The following YIPF6 variants were observed in gnomAD, a reference collection of about 807,000 sequenced individuals.
The protein encoded by YIPF6 is protein YIPF6.
A neutral mutation model predicts 16.8 loss-of-function variants in YIPF6; 3 were observed. That is an observed-to-expected ratio of 0.18 (90% CI 0.08 to 0.46). YIPF6 has a LOEUF of 0.46. Among genes scored for constraint, YIPF6 ranks in the 20% least tolerant of loss-of-function variants. The pLI is 0.98. For missense variants in YIPF6, 145 were observed against 184.9 expected, an observed-to-expected ratio of 0.78 and a Z score of 1.25; for synonymous variants, 67 against 61.9, an observed-to-expected ratio of 1.08 and a Z score of -0.38.
At chrX:68,514,795 T>A (rs2079095005) in intron 3 of YIPF6, 1 of 112,812 alleles carries the variant, frequency 8.9e-6, no homozygotes, top group Non-Finnish European at 1.9e-5. Context: ...TTCAAGCCTA[T>A]CATTTAGTCT....
At chrX:68,509,454 C>T (rs1274744018) in intron 1 of YIPF6, among the ~76,000 whole-genome samples, 1 of 111,587 alleles carries the variant, frequency 9.0e-6, no homozygotes. Context: ...CTGTACTCAG[C>T]TTCTGTCTTT....
chrX:68,501,625 A>T (rs2079041384), intron 1 of YIPF6, among the ~76,000 whole-genome samples: 1 of 112,005 alleles, frequency 8.9e-6, no homozygotes, highest in African/African-American at 3.2e-5. Flanking sequence ...ATATAAGTGG[A>T]TATATCCATT....
chrX:68,527,197 C>G (rs972345432), intron 6 of YIPF6, among the ~76,000 whole-genome samples: 4 of 111,456 alleles, frequency 3.6e-5, no homozygotes, highest in African/African-American at 9.8e-5. Context: ...CTGGTTTAGT[C>G]TTGGGAGGGA....
chrX:68,531,013 C>T (rs1254634550), intron 6 of YIPF6, among the ~76,000 whole-genome samples: 2 of 111,237 alleles, frequency 1.8e-5, no homozygotes, highest in African/African-American at 6.5e-5. Flanking sequence ...CATATTGCAG[C>T]CTTGAACTCT....
intron 3 of YIPF6, 62 bp downstream of exon 3, chrX:68,513,467 C>T: frequency 1.3e-6 from 1 of 759,891 alleles, no homozygotes; most frequent in Non-Finnish European, 1.8e-6. Flanking sequence ...ATCGTAAGTA[C>T]TTTATAAGGC....
At chrX:68,527,312 T>C (rs1421302855) in intron 6 of YIPF6, among the ~76,000 whole-genome samples, 1 of 112,004 alleles carries the variant, frequency 8.9e-6, no homozygotes, top group Non-Finnish European at 1.9e-5. Context: ...GTGGGATCAG[T>C]GTTGATCTTC....
At chrX:68,502,695 G>A (rs1338771595) in intron 1 of YIPF6, among the ~76,000 whole-genome samples, 3 of 111,491 alleles carry the variant, frequency 2.7e-5, no homozygotes, top group East Asian at 2.8e-4. Flanking sequence ...ACTTCAGGGC[G>A]CAGAAGAGGT....
chrX:68,512,366 C>T (rs935619239), intron 2 of YIPF6, among the ~76,000 whole-genome samples: 2 of 109,640 alleles, frequency 1.8e-5, no homozygotes, highest in African/African-American at 3.3e-5. Context: ...GAGACTGAAT[C>T]GCTTGTCTCC....
At chrX:68,522,969 A>T in intron 6 of YIPF6, 52 bp downstream of exon 6, 5 of 1,183,502 alleles carry the variant, frequency 4.2e-6, no homozygotes, top group Non-Finnish European at 5.7e-6. Context: ...ACATGATTTA[A>T]TGATGAAGAC....
At chrX:68,508,462 T>A (rs1279265854) in intron 1 of YIPF6, among the ~76,000 whole-genome samples, 1 of 111,736 alleles carries the variant, frequency 8.9e-6, no homozygotes, top group East Asian at 2.8e-4. Flanking sequence ...ATTTACATAA[T>A]AAGACCATTT....
In YIPF6 at chrX:68,536,566, C is replaced by T. The variant is rs1056097388; in HGVS notation, c.*4567C>T. 2 of 108,921 alleles carry T rather than the reference C, an allele frequency of 1.8e-5. No homozygotes were observed. Among genetic ancestry groups the T allele is most frequent in the African/African-American group, 6.7e-5 (2 of 29,798 alleles). The allele number at this position is 108,921 out of a possible 1,213,427, so 9.0% of individuals were successfully genotyped here. A position where few individuals can be genotyped will look rare whatever the true frequency, so the allele number is the denominator to read the frequency against. On this transcript the variant is annotated 3_prime_UTR_variant, in exon 7 of 7. Transcript: ENST00000462683. ...CTAGGTACAAATATAGGTATTTTCC[C>T]TATTGTGTTATGTACCTGAAATGAA...
At position 68,534,807 on chromosome X, in the gene YIPF6, G is replaced by C. The variant is rs1043157056; in HGVS notation, c.*2808G>C. ...TTATAGAAGTGAAGACGGCAAGGAC[G>C]GGGACTCCAACAAAGGAAACCCTGT... On this transcript the variant is annotated 3_prime_UTR_variant, in exon 7 of 7. Coordinates refer to ENST00000462683, the MANE Select transcript of YIPF6 (RefSeq NM_173834.4). The C allele has an allele frequency of 8.9e-6, 1 of 112,052 alleles. No homozygotes were observed. Among genetic ancestry groups the C allele is most frequent in the Non-Finnish European group, 1.9e-5 (1 of 53,274 alleles). 9.2% of individuals were successfully genotyped at this position (112,052 alleles called of 1,213,427 possible). A position where few individuals can be genotyped will look rare whatever the true frequency, so the allele number is the denominator to read the frequency against.
chrX:68,529,034 G>T (rs1466368935), intron 6 of YIPF6, among the ~76,000 whole-genome samples: 1 of 111,192 alleles, frequency 9.0e-6, no homozygotes, highest in Admixed American at 9.6e-5. Context: ...GCCTTCCTAG[G>T]TTGGGGAAGT....
intron 6 of YIPF6, among the ~76,000 whole-genome samples, chrX:68,529,124 T>C (rs918289056): frequency 1.8e-5 from 2 of 111,007 alleles, no homozygotes; most frequent in African/African-American, 6.5e-5. Context: ...CAATCAAAGG[T>C]AGGTTTGGTC....
chrX:68,522,458 G>A (rs187795733), intron 5 of YIPF6, among the ~76,000 whole-genome samples: 25 of 110,052 alleles, frequency 2.3e-4, no homozygotes, highest in East Asian at 1.2e-3. Flanking sequence ...CACAATGCCC[G>A]GCTAATTTTT....
intron 1 of YIPF6, among the ~76,000 whole-genome samples, chrX:68,499,792 C>T (rs1479297764): frequency 8.9e-6 from 1 of 111,907 alleles, no homozygotes; most frequent in Non-Finnish European, 1.9e-5. Context: ...TGCGTGTCAC[C>T]ACACCAGGCT....
chrX:68,502,891 C>T (rs1327478595), intron 1 of YIPF6, among the ~76,000 whole-genome samples: 1 of 106,830 alleles, frequency 9.4e-6, no homozygotes, highest in Non-Finnish European at 1.9e-5. Flanking sequence ...TGCAATGGTG[C>T]CACCTCGGCT....
At chrX:68,515,834 A>AT (rs1262761258) in intron 3 of YIPF6, among the ~76,000 whole-genome samples, 2 of 111,092 alleles carry the variant, frequency 1.8e-5, no homozygotes, top group Non-Finnish European at 3.8e-5. Flanking sequence ...TAATTTTTAA[A>AT]TTTTTTTGTC....
At chrX:68,520,660 G>A (rs2079121997) in intron 4 of YIPF6, among the ~76,000 whole-genome samples, 1 of 110,773 alleles carries the variant, frequency 9.0e-6, no homozygotes, top group Non-Finnish European at 1.9e-5. Flanking sequence ...TTGTAGAGAC[G>A]GGGGTTTCGT....
Sources: allele counts gnomAD v4.1 joint callset (sites outside exome capture counted in the v4.1 genomes callset), GRCh38; gene constraint gnomAD v4.1.1; transcripts MANE v1.5; gene names NCBI Gene and HGNC (gene_info 2026-07-23, HGNC 2026-07-21).